EBF3: variants seen among roughly 807,000 people sequenced by gnomAD.
The protein encoded by EBF3 is transcription factor COE3.
A neutral mutation model predicts 77.1 loss-of-function variants in EBF3; 18 were observed. The observed-to-expected ratio is 0.23, with a 90% CI of 0.16 to 0.35. The LOEUF (loss-of-function observed/expected upper bound fraction) is 0.35, where lower values mean the gene tolerates loss of function less well. Among genes scored for constraint, EBF3 ranks in the 10% least tolerant of loss-of-function variants. The pLI, the probability that EBF3 is intolerant of heterozygous loss-of-function variation, is 1.00. For synonymous variants in EBF3, 350 were observed against 343.5 expected, an observed-to-expected ratio of 1.02 and a Z score of -0.21; for missense variants, 558 against 860.0, an observed-to-expected ratio of 0.65 and a Z score of 4.39.
chr10:129,925,084 G>A (rs61874156), intron 6 of EBF3, among the ~76,000 whole-genome samples: 2,912 of 57,180 alleles, frequency 0.051, 35 homozygotes, highest in Non-Finnish European at 0.06. Context: ...GTGTGTGCAC[G>A]CGTGTGTGTG....
In EBF3 at chr10:129,867,903, C is replaced by T; in HGVS notation, c.791G>A (p.Cys264Tyr). 1 of 1,614,118 alleles carries T rather than the reference C, an allele frequency of 6.2e-7. No homozygotes were observed. The highest frequency in any genetic ancestry group is 8.5e-7 in the Non-Finnish European group (1 of 1,180,008). Residue 264 changes from cysteine (C) to tyrosine (Y), a missense_variant, in exon 9 of 17, where the codon TGC (cysteine) becomes TAC (tyrosine). Physicochemically the swap from Cys to Tyr is radical, Grantham distance 194. Coordinates refer to ENST00000440978, the MANE Select transcript of EBF3 (RefSeq NM_001375380.1). ...APSYLENATP[C>Y]IKAISPSEGW... ...TTCACTGGGACTGATGGCCTTGATG[C>T]ACGGAGTGGCTGCTCACACAAGACA...
chr10:129,846,108 TTGTGTGTGTGTGTGTG>T (rs10530522), intron 11 of EBF3, among the ~76,000 whole-genome samples: 46 of 139,694 alleles, frequency 3.3e-4, no homozygotes, highest in Non-Finnish European at 5.6e-4. Flanking sequence ...ATTCTGGGCT[TTGTGTGTGTGTGTGTG>T]TGTGTGTGTG....
intron 6 of EBF3, among the ~76,000 whole-genome samples, chr10:129,936,542 G>C (rs1001695020): frequency 6.6e-6 from 1 of 152,186 alleles, no homozygotes; most frequent in African/African-American, 2.4e-5. Context: ...GGGGAACCAG[G>C]GGCTGTGGGG....
intron 6 of EBF3, among the ~76,000 whole-genome samples, chr10:129,917,730 A>T (rs1159308102): frequency 1.3e-5 from 2 of 151,378 alleles, no homozygotes; most frequent in Non-Finnish European, 2.9e-5. Flanking sequence ...TTACCAAAAG[A>T]TTTATTTCAG....
At chr10:129,912,854 C>A (rs576696557) in intron 6 of EBF3, among the ~76,000 whole-genome samples, 257 of 152,340 alleles carry the variant, frequency 1.7e-3, no homozygotes, top group African/African-American at 5.9e-3. Flanking sequence ...TCTAATCCCC[C>A]TGAGCCTCAG....
rs535481187 is a variant in EBF3, at chr10:129,841,345, C to A, written c.1373-313G>T. On this transcript the variant is annotated intron_variant, in intron 13 of 16. Coordinates refer to ENST00000440978, the MANE Select transcript of EBF3 (RefSeq NM_001375380.1). This position sits in a 1 kb window ranked among gnomAD's most constrained non-coding sequence, Gnocchi z 4.6. Reference sequence around the variant, plus strand: ...AGCTTGGATTCCTGGTCTGTCCCCCCACGCTCTGTGAACTTTCGGCCTCTG... The same window carrying A: ...AGCTTGGATTCCTGGTCTGTCCCCCAACGCTCTGTGAACTTTCGGCCTCTG... 6.6e-5 allele frequency among the ~76,000 whole-genome samples: 10 copies of A among 152,302 alleles called. No individual in the cohort carries two copies. Among genetic ancestry groups the A allele is most frequent in the East Asian group, 1.9e-4 (1 of 5,178 alleles).
At chr10:129,890,120 C>T (rs544678143) in intron 6 of EBF3, among the ~76,000 whole-genome samples, 60 of 152,114 alleles carry the variant, frequency 3.9e-4, no homozygotes, top group Non-Finnish European at 7.9e-4. Context: ...GCCAACCAAT[C>T]AGGGAGGTCT....
At chr10:129,960,848 C>A (rs1859460101) in intron 4 of EBF3, among the ~76,000 whole-genome samples, 1 of 152,098 alleles carries the variant, frequency 6.6e-6, no homozygotes, top group African/African-American at 2.4e-5. Flanking sequence ...AAACATTTAG[C>A]CATTATATAC....
At chr10:129,925,860 A>T (rs1856635696) in intron 6 of EBF3, among the ~76,000 whole-genome samples, 1 of 152,204 alleles carries the variant, frequency 6.6e-6, no homozygotes, top group African/African-American at 2.4e-5. Flanking sequence ...CTAGTGCACG[A>T]GAATTCTCAA....
chr10:129,856,267 A>G (rs1460178879), intron 10 of EBF3, among the ~76,000 whole-genome samples: 1 of 152,142 alleles, frequency 6.6e-6, no homozygotes, highest in Non-Finnish European at 1.5e-5. Flanking sequence ...TCATGTTTCC[A>G]TATGTTCACA....
chr10:129,858,976 G>A (rs1035559638), intron 10 of EBF3, among the ~76,000 whole-genome samples: 5 of 152,112 alleles, frequency 3.3e-5, no homozygotes, highest in Non-Finnish European at 7.4e-5. Context: ...CTATCTCAAC[G>A]GGAGCTTCTC....
chr10:129,898,145 T>G (rs982157536), intron 6 of EBF3, among the ~76,000 whole-genome samples: 12 of 152,214 alleles, frequency 7.9e-5, no homozygotes, highest in African/African-American at 2.7e-4. Context: ...AACGATCATG[T>G]TTCAAAGTCT....
At chr10:129,896,892 C>T (rs1401341517) in intron 6 of EBF3, among the ~76,000 whole-genome samples, 1 of 152,196 alleles carries the variant, frequency 6.6e-6, no homozygotes, top group Non-Finnish European at 1.5e-5. Flanking sequence ...GAGAGAGAAG[C>T]CTGCCCACGC....
At position 129,863,416 on chromosome 10, in the gene EBF3, C is replaced by T. The variant is rs1271385029; in HGVS notation, c.1039+3725G>A. Among the ~76,000 whole-genome samples, 1 of 152,210 alleles carries T rather than the reference C, an allele frequency of 6.6e-6. No individual in the cohort carries two copies. The highest frequency in any genetic ancestry group is 1.5e-5 in the Non-Finnish European group (1 of 68,040). ...CCTTCCCCTTCCCACTCGGGGTTGA[C>T]TAATAGGGTCTGGTTCAGAAAAATC... On this transcript the variant is annotated intron_variant, in intron 10 of 16. Coordinates refer to ENST00000440978, the MANE Select transcript of EBF3 (RefSeq NM_001375380.1). This position sits in a 1 kb window ranked among gnomAD's most constrained non-coding sequence, Gnocchi z 4.0.
chr10:129,942,927 C>T (rs761207328), intron 6 of EBF3, among the ~76,000 whole-genome samples: 22 of 152,144 alleles, frequency 1.4e-4, no homozygotes, highest in East Asian at 1.9e-4. Context: ...CCAGATCACG[C>T]GTTGACATTA....
chr10:129,842,835 C>T lies in EBF3; in HGVS notation c.1194+302G>A, dbSNP rs1285451407. Among the ~76,000 whole-genome samples, 2 of 151,950 alleles carry T rather than the reference C, an allele frequency of 1.3e-5. No homozygotes were observed. Among genetic ancestry groups the T allele is most frequent in the Non-Finnish European group, 2.9e-5 (2 of 67,992 alleles). On this transcript the variant is annotated intron_variant, in intron 12 of 16. Coordinates refer to ENST00000440978, the MANE Select transcript of EBF3 (RefSeq NM_001375380.1). The surrounding 1 kb of genome is among the most constrained non-coding windows in gnomAD (Gnocchi z 4.4). ...GCATGCTGTGGGGCGCCCATCCAGC[C>T]CTCCCTGGTTCCCAGCGGCACCAAC...
chr10:129,893,909 G>A lies in EBF3; in HGVS notation c.555-16060C>T, dbSNP rs187740058. The stretch of plus-strand genomic sequence containing the variant: ...GGCTTCCCTGGTGGGGGTGCACGGG[G>A]CCCCACGTGTGAGGGACTCTCCACA... On this transcript the variant is annotated intron_variant, in intron 6 of 16. Coordinates refer to ENST00000440978, the MANE Select transcript of EBF3 (RefSeq NM_001375380.1). Among the ~76,000 whole-genome samples, 770 of 152,318 alleles carry A rather than the reference G, an allele frequency of 5.1e-3. 1 individual carries two copies. The highest frequency in any genetic ancestry group is 0.017 in the Middle Eastern group (5 of 294).
chr10:129,855,694 C>T (rs1851204779), intron 10 of EBF3, among the ~76,000 whole-genome samples: 1 of 152,130 alleles, frequency 6.6e-6, no homozygotes, highest in Non-Finnish European at 1.5e-5. Flanking sequence ...GAAGAGACAC[C>T]ACCCAGTAAA....
rs1054872631 is a variant in EBF3 at position 129,935,248 on chromosome 10, T to C, written c.554+22010A>G. On this transcript the variant is annotated intron_variant, in intron 6 of 16. Transcript: ENST00000440978. This position sits in a 1 kb window ranked among gnomAD's most constrained non-coding sequence, Gnocchi z 4.2. The stretch of plus-strand genomic sequence containing the variant: ...CACTCGCACCTGTCACAGCAGCCAC[T>C]GTGGCCCATGGCTGTCCCAGCACCC... Among the ~76,000 whole-genome samples, 1 of 152,146 alleles carries C rather than the reference T, an allele frequency of 6.6e-6. No individual in the cohort carries two copies. Among genetic ancestry groups the C allele is most frequent in the African/African-American group, 2.4e-5 (1 of 41,440 alleles).
Sources: gnomAD v4.1 joint callset for allele counts (sites outside exome capture counted in the v4.1 genomes callset) on GRCh38, gnomAD v4.1.1 for gene constraint, Gnocchi (gnomAD v3.1) non-coding constraint, MANE v1.5 for transcripts, NCBI Gene and HGNC (gene_info 2026-07-23, HGNC 2026-07-21) for gene names.